The following CACNB2 variants were observed in gnomAD, a reference collection of about 807,000 sequenced individuals.
CACNB2 encodes the protein voltage-dependent L-type calcium channel subunit beta-2.
Under a neutral mutation model 73.3 loss-of-function variants are expected in CACNB2, and 42 were observed. The observed-to-expected ratio is 0.57, with a 90% CI of 0.45 to 0.74. CACNB2 has a LOEUF of 0.74. Ranked by LOEUF, CACNB2 falls within the 30% of genes least tolerant of loss-of-function variation. The pLI is 0.00. For missense variants in CACNB2, 940 were observed against 853.0 expected, an observed-to-expected ratio of 1.10 and a Z score of -1.27; for synonymous variants, 348 against 310.3, an observed-to-expected ratio of 1.12 and a Z score of -1.28.
Position 18,244,103 on chromosome 10 carries a change from C to T in CACNB2, c.213+93128C>T, listed in dbSNP as rs112749621. On this transcript the variant is annotated intron_variant, in intron 2 of 13. Coordinates refer to ENST00000324631, the MANE Select transcript of CACNB2 (RefSeq NM_201596.3). ...TTGCTGGCTTTTATTTAACAGCACTCAATCAATCAGGTGATGCCAGGCCTG... is the reference window on the plus strand; with the variant it reads ...TTGCTGGCTTTTATTTAACAGCACTTAATCAATCAGGTGATGCCAGGCCTG... 4.4e-4 allele frequency among the ~76,000 whole-genome samples: 67 copies of T among 152,282 alleles called. 1 individual carries two copies. Among genetic ancestry groups the T allele is most frequent in the African/African-American group, 1.3e-3 (55 of 41,554 alleles).
intron 3 of CACNB2, among the ~76,000 whole-genome samples, chr10:18,407,783 G>A (rs577281597): frequency 1.4e-4 from 22 of 152,152 alleles, no homozygotes; most frequent in Non-Finnish European, 1.6e-4. Flanking sequence ...TTGTCAAAAT[G>A]TCTAATTTCC....
At chr10:18,372,497 C>T (rs1396124813) in intron 2 of CACNB2, among the ~76,000 whole-genome samples, 4 of 152,118 alleles carry the variant, frequency 2.6e-5, no homozygotes, top group African/African-American at 9.7e-5. Flanking sequence ...ACCTCTGCCT[C>T]CCAGGTTCAA....
At chr10:18,376,605 A>G (rs2042807211) in intron 2 of CACNB2, among the ~76,000 whole-genome samples, 2 of 152,082 alleles carry the variant, frequency 1.3e-5, no homozygotes, top group African/African-American at 4.8e-5. Context: ...ACAGGCTTAG[A>G]GTGGTTTTAG....
intron 3 of CACNB2, among the ~76,000 whole-genome samples, chr10:18,491,818 T>TAAAA (rs2049445340): frequency 4.4e-5 from 1 of 22,650 alleles, no homozygotes; most frequent in Non-Finnish European, 7.8e-5. Flanking sequence ...TTCAAGTTGG[T>TAAAA]TAAAAAAAAA....
At chr10:18,233,823 T>G (rs1173611024) in intron 2 of CACNB2, among the ~76,000 whole-genome samples, 1 of 152,164 alleles carries the variant, frequency 6.6e-6, no homozygotes, top group Non-Finnish European at 1.5e-5. Context: ...AAGAGCTTAT[T>G]TATCAACACA....
intron 3 of CACNB2, among the ~76,000 whole-genome samples, chr10:18,474,236 C>T (rs1005752280): frequency 1.3e-5 from 2 of 152,146 alleles, no homozygotes; most frequent in East Asian, 3.9e-4. Context: ...AGGCACCCTG[C>T]AGACTTGCTG....
rs1397138712 is a variant in CACNB2, at chr10:18,527,640, T to C, written c.997T>C (p.Leu333=). ...ADISLAKRSV[L]NNPSKHAIIE... is the part of the protein sequence containing the mutation. ...CATCTCGCTTGCCAAACGCTCGGTA[T>C]TAAACAATCCCAGTAAGCACGCAAT... is the stretch of plus-strand genomic sequence containing the variant. The change falls in exon 10 of 14, where the codon TTA becomes CTA. Residue 333 remains leucine, a synonymous_variant. Transcript: ENST00000324631. 2.5e-6 allele frequency: 4 copies of C among 1,614,060 alleles called. No homozygotes were observed. Among genetic ancestry groups the C allele is most frequent in the Non-Finnish European group, 3.4e-6 (4 of 1,179,978 alleles).
At chr10:18,454,858 G>T (rs2047196862) in intron 3 of CACNB2, among the ~76,000 whole-genome samples, 1 of 152,078 alleles carries the variant, frequency 6.6e-6, no homozygotes, top group Admixed American at 6.6e-5. Context: ...GGGCAACATA[G>T]AAAGACTGCC....
chr10:18,268,775 G>A (rs2037921578), intron 2 of CACNB2, among the ~76,000 whole-genome samples: 1 of 152,216 alleles, frequency 6.6e-6, no homozygotes, highest in Middle Eastern at 3.4e-3. Flanking sequence ...TTCCCAGAAA[G>A]GCTTATAAAA....
intron 2 of CACNB2, among the ~76,000 whole-genome samples, chr10:18,383,944 G>A (rs956299053): frequency 6.6e-6 from 1 of 152,166 alleles, no homozygotes; most frequent in Non-Finnish European, 1.5e-5. Flanking sequence ...GACTTCAGGT[G>A]ATCTGCCCAC....
rs544378180 is a variant in CACNB2, at chr10:18,248,444, G to C, written c.213+97469G>C. The stretch of plus-strand genomic sequence containing the variant: ...TCATAAATCATATGAATCTCCCCAA[G>C]TTCTACTATTTCTGATCTTAAATTT... On this transcript the variant is annotated intron_variant, in intron 2 of 13. Transcript: ENST00000324631. Among the ~76,000 whole-genome samples the C allele has an allele frequency of 7.9e-5, 12 of 152,232 alleles. No homozygotes were observed. In the South Asian group the frequency reaches 2.5e-3, roughly 32 times the overall value.
chr10:18,414,889 G>A (rs1205376104), intron 3 of CACNB2, among the ~76,000 whole-genome samples: 2 of 152,008 alleles, frequency 1.3e-5, no homozygotes, highest in Non-Finnish European at 2.9e-5. Flanking sequence ...AACAGGGAAC[G>A]ACATGAAGAC....
chr10:18,469,569 G>T (rs150060931), intron 3 of CACNB2, among the ~76,000 whole-genome samples: 83 of 152,306 alleles, frequency 5.4e-4, no homozygotes, highest in African/African-American at 1.9e-3. Context: ...AAATCTAGAA[G>T]TCTGACCCCT....
intron 3 of CACNB2, among the ~76,000 whole-genome samples, chr10:18,445,772 G>A (rs1032547871): frequency 2.0e-5 from 3 of 152,150 alleles, no homozygotes; most frequent in South Asian, 2.1e-4. Flanking sequence ...GATGGCTCAC[G>A]CCTGTAATCC....
At chr10:18,337,164 T>C (rs911525062) in intron 2 of CACNB2, among the ~76,000 whole-genome samples, 12 of 152,166 alleles carry the variant, frequency 7.9e-5, no homozygotes, top group South Asian at 2.1e-4. Flanking sequence ...GGTCTCACTC[T>C]TGTTGCCCAG....
chr10:18,381,168 G>T (rs994041775), intron 2 of CACNB2, among the ~76,000 whole-genome samples: 1 of 151,148 alleles, frequency 6.6e-6, no homozygotes, highest in African/African-American at 2.4e-5. Flanking sequence ...CCTTGGTTCT[G>T]TTGTCAGTAA....
chr10:18,462,106 A>G (rs866065496), intron 3 of CACNB2, among the ~76,000 whole-genome samples: 1 of 152,202 alleles, frequency 6.6e-6, no homozygotes, highest in African/African-American at 2.4e-5. Flanking sequence ...TGAGATTCCC[A>G]GCAGTCTTGA....
intron 3 of CACNB2, among the ~76,000 whole-genome samples, chr10:18,421,172 A>G (rs1211893874): frequency 6.6e-6 from 1 of 152,156 alleles, no homozygotes; most frequent in Non-Finnish European, 1.5e-5. Context: ...TTAGAAAAAC[A>G]GGTACTCAAT....
At chr10:18,535,281 T>C (rs892691913) in intron 11 of CACNB2, among the ~76,000 whole-genome samples, 1 of 152,148 alleles carries the variant, frequency 6.6e-6, no homozygotes, top group African/African-American at 2.4e-5. Context: ...TAGTGTAGTA[T>C]CAAAGAAGAC....
Sources: allele counts gnomAD v4.1 joint callset (sites outside exome capture counted in the v4.1 genomes callset), GRCh38; gene constraint gnomAD v4.1.1; transcripts MANE v1.5; gene names NCBI Gene and HGNC (gene_info 2026-07-23, HGNC 2026-07-21).